MEDAG: variants seen among roughly 807,000 people sequenced by gnomAD.
MEDAG encodes the protein mesenteric estrogen-dependent adipogenesis protein.
Under a neutral mutation model 29.9 loss-of-function variants are expected in MEDAG, and 25 were observed. The observed-to-expected ratio is 0.84, with a 90% CI of 0.61 to 1.17. The LOEUF (loss-of-function observed/expected upper bound fraction) is 1.17. Among genes scored for constraint, MEDAG ranks in the 50% most tolerant of loss-of-function variants. The pLI, the probability that MEDAG is intolerant of heterozygous loss-of-function variation, is 0.00. For missense variants in MEDAG, 398 were observed against 372.9 expected, an observed-to-expected ratio of 1.07 and a Z score of -0.56; for synonymous variants, 158 against 148.2, an observed-to-expected ratio of 1.07 and a Z score of -0.48.
At chr13:30,906,863 T>C in intron 1 of MEDAG, 70 bp downstream of exon 1, 1 of 1,383,406 alleles carries the variant, frequency 7.2e-7, no homozygotes. Context: ...GGCTGCGGTC[T>C]CTGGGAGCCT....
chr13:30,908,717 C>G lies in MEDAG; in HGVS notation c.278+1924C>G, dbSNP rs1381503778. On this transcript the variant is annotated intron_variant, in intron 1 of 4. Transcript: ENST00000380482. The stretch of plus-strand genomic sequence containing the variant: ...TCCCTCCCTCCCCACTTCCTTCCCT[C>G]TCTCCCTCCCTCCCTCCCTTCCTTC... 3.2e-4 allele frequency: 44 copies of G among 138,742 alleles called. 1 individual carries two copies. The Admixed American group carries it at 3.3e-3, about 10-fold the overall frequency. 8.6% of individuals were successfully genotyped at this position (138,742 alleles called of 1,614,324 possible).
chr13:30,906,654 G>T lies in MEDAG; in HGVS notation c.139G>T (p.Ala47Ser). The change falls in exon 1 of 5, where the codon GCC becomes TCC. Residue 47 changes from alanine to serine, a missense_variant. Ala to Ser is a moderately conservative substitution (Grantham distance 99, BLOSUM62 1). Coordinates refer to ENST00000380482, the MANE Select transcript of MEDAG (RefSeq NM_032849.4). ...TCAGCTGCTGCGCCTGCAGCCCGGT[G>T]CCTTCCAGCTGAGCGGCGACCAGCT... ...LAQLLRLQPGAFQLSGDQLVV... is the reference protein window; with the variant it reads ...LAQLLRLQPGSFQLSGDQLVV... 1 of 1,570,164 alleles carries T rather than the reference G, an allele frequency of 6.4e-7. No homozygotes were observed. The highest frequency in any genetic ancestry group is 8.6e-7 in the Non-Finnish European group (1 of 1,166,074).
At chr13:30,919,148 C>T (rs1028807787) in intron 2 of MEDAG, among the ~76,000 whole-genome samples, 1 of 151,384 alleles carries the variant, frequency 6.6e-6, no homozygotes, top group African/African-American at 2.4e-5. Context: ...ATTGCCACAA[C>T]AGAAATCCAG....
intron 1 of MEDAG, among the ~76,000 whole-genome samples, chr13:30,917,050 TA>T (rs1240830078): frequency 6.6e-6 from 1 of 152,218 alleles, no homozygotes; most frequent in Non-Finnish European, 1.5e-5. Context: ...CTAATTCTAC[TA>T]TTATGTCGAA....
chr13:30,924,569 G>A lies in MEDAG; in HGVS notation c.*134G>A. Reference sequence around the variant, plus strand: ...CTCCGGCTCCTCCATGGCTTCTATGGAGGACTCCTCTCTTCTGCTTCTGTG... The same window carrying A: ...CTCCGGCTCCTCCATGGCTTCTATGAAGGACTCCTCTCTTCTGCTTCTGTG... On this transcript the variant is annotated 3_prime_UTR_variant, in exon 5 of 5. Transcript: ENST00000380482. The A allele has an allele frequency of 3.3e-6, 3 of 900,640 alleles. No individual in the cohort carries two copies. Among genetic ancestry groups the A allele is most frequent in the Non-Finnish European group, 5.0e-6 (3 of 603,342 alleles). The allele number at this position is 900,640 out of a possible 1,614,324, so 55.8% of individuals were successfully genotyped here.
Position 30,921,734 on chromosome 13 carries a change from A to G in MEDAG, c.675A>G (p.Ser225=), listed in dbSNP as rs1232517153. 6.2e-7 allele frequency: 1 copy of G among 1,614,094 alleles called. No homozygotes were observed. Among genetic ancestry groups the G allele is most frequent in the South Asian group, 1.1e-5 (1 of 91,070 alleles). The change falls in exon 4 of 5, where the codon TCA becomes TCG. Residue 225 remains serine, a synonymous_variant. Coordinates refer to ENST00000380482, the MANE Select transcript of MEDAG (RefSeq NM_032849.4). ...VKVNGKVLNL[S]STSPEKKETI... is the part of the protein sequence containing the mutation. Reference sequence around the variant, plus strand: ...TAAATGGAAAAGTTCTGAATTTGTCAAGTACAAGTCCAGAAAAGAAGGAGA... The same window carrying G: ...TAAATGGAAAAGTTCTGAATTTGTCGAGTACAAGTCCAGAAAAGAAGGAGA...
At chr13:30,911,906 C>G (rs1952885528) in intron 1 of MEDAG, among the ~76,000 whole-genome samples, 1 of 152,104 alleles carries the variant, frequency 6.6e-6, no homozygotes, top group Non-Finnish European at 1.5e-5. Context: ...TGCTGTTAGT[C>G]CAAGGATCAC....
At chr13:30,908,359 T>C (rs953491562) in intron 1 of MEDAG, among the ~76,000 whole-genome samples, 1 of 152,218 alleles carries the variant, frequency 6.6e-6, no homozygotes, top group Non-Finnish European at 1.5e-5. Flanking sequence ...AGGGCTTCTT[T>C]TGTACCTGGG....
At chr13:30,921,980 G>C in intron 4 of MEDAG, 134 bp downstream of exon 4, 1 of 973,164 alleles carries the variant, frequency 1.0e-6, no homozygotes, top group Non-Finnish European at 1.5e-6. Context: ...AATTCAGAAA[G>C]TAAGAAGTGG....
At chr13:30,908,854 G>C (rs1372938497) in intron 1 of MEDAG, 1 of 152,920 alleles carries the variant, frequency 6.5e-6, no homozygotes, top group South Asian at 2.1e-4. Flanking sequence ...TGGGTGCAGT[G>C]CCTCATGCCT....
chr13:30,919,154 T>TCCAGAAAC (rs1242183012), intron 2 of MEDAG, among the ~76,000 whole-genome samples: 2 of 150,684 alleles, frequency 1.3e-5, no homozygotes, highest in Non-Finnish European at 2.9e-5. Flanking sequence ...ACAACAGAAA[T>TCCAGAAAC]CCAGAAACCC....
At chr13:30,910,369 C>G (rs759393400) in intron 1 of MEDAG, among the ~76,000 whole-genome samples, 3 of 152,092 alleles carry the variant, frequency 2.0e-5, no homozygotes, top group Non-Finnish European at 4.4e-5. Flanking sequence ...TGGCTACTAA[C>G]ATTTACTCGA....
chr13:30,908,556 T>G (rs1033740601), intron 1 of MEDAG, among the ~76,000 whole-genome samples: 2 of 151,914 alleles, frequency 1.3e-5, no homozygotes, highest in African/African-American at 2.4e-5. Context: ...CAGTGAGAGG[T>G]TCTGCCCTCG....
In MEDAG at chr13:30,921,824, A is replaced by C. The variant is rs745756497; in HGVS notation, c.765A>C (p.Arg255=). The C allele has an allele frequency of 1.2e-6, 2 of 1,608,864 alleles. No individual in the cohort carries two copies. The highest frequency in any genetic ancestry group is 1.7e-6 in the Non-Finnish European group (2 of 1,178,274). Residue 255 remains arginine, a synonymous_variant, in exon 4 of 5, where the codon CGA becomes CGC. Transcript: ENST00000380482. Reference sequence around the variant, plus strand: ...TCCGAAGGAGCAGTTTCTCTGACCGAAAGTTCAGTGTAACTTCCAGAGGTA... The same window carrying C: ...TCCGAAGGAGCAGTTTCTCTGACCGCAAGTTCAGTGTAACTTCCAGAGGTA... ...PLIRRSSFSD[R]KFSVTSRGSI...
At chr13:30,911,745 G>A (rs1417066650) in intron 1 of MEDAG, among the ~76,000 whole-genome samples, 2 of 152,166 alleles carry the variant, frequency 1.3e-5, no homozygotes, top group South Asian at 2.1e-4. Flanking sequence ...TTACCAGTTT[G>A]CAAGCCTATG....
At chr13:30,920,862 C>A in intron 2 of MEDAG, 152 bp from the exon 3 acceptor site, 2 of 621,550 alleles carry the variant, frequency 3.2e-6, no homozygotes, top group Non-Finnish European at 5.6e-6. Flanking sequence ...TCTGGCGAGG[C>A]TTTGTAGTAA....
At chr13:30,907,515 T>C (rs1328057836) in intron 1 of MEDAG, among the ~76,000 whole-genome samples, 1 of 152,192 alleles carries the variant, frequency 6.6e-6, no homozygotes, top group African/African-American at 2.4e-5. Context: ...CAAGCTCTTC[T>C]TGGCAGACCG....
intron 1 of MEDAG, among the ~76,000 whole-genome samples, chr13:30,910,383 G>A (rs878888330): frequency 6.6e-6 from 1 of 152,162 alleles, no homozygotes; most frequent in Non-Finnish European, 1.5e-5. Context: ...TACTCGAATG[G>A]TGTAAAGTAT....
Position 30,906,568 on chromosome 13 carries a change from C to T in MEDAG, c.53C>T (p.Ser18Leu), listed in dbSNP as rs778021784. 1.2e-5 allele frequency: 19 copies of T among 1,581,674 alleles called. No homozygotes were observed. Among genetic ancestry groups the T allele is most frequent in the Non-Finnish European group, 1.4e-5 (17 of 1,173,174 alleles). Residue 18 changes from serine (S) to leucine (L), a missense_variant, in exon 1 of 5, where the codon TCG becomes TTG. Coordinates refer to ENST00000380482, the MANE Select transcript of MEDAG (RefSeq NM_032849.4). ...GCCAGGCCGAGCCTGACCTCCATCT[C>T]GTCTGGGGAGCTTCGCAGCCTGTGG... ...PVARPSLTSI[S>L]SGELRSLWTC... is the part of the protein sequence containing the mutation.
Sources: allele counts gnomAD v4.1 joint callset (sites outside exome capture counted in the v4.1 genomes callset), GRCh38; gene constraint gnomAD v4.1.1; transcripts MANE v1.5; gene names NCBI Gene and HGNC (gene_info 2026-07-23, HGNC 2026-07-21).